LAMA1: variants seen among roughly 807,000 people sequenced by gnomAD.
The protein encoded by LAMA1 is laminin subunit alpha 1.
A neutral mutation model predicts 348.7 loss-of-function variants in LAMA1; 219 were observed. The ratio of observed to expected loss-of-function variants is 0.63; its 90% confidence interval spans 0.56 to 0.70. The LOEUF is 0.70. Among genes scored for constraint, LAMA1 ranks in the 30% least tolerant of loss-of-function variants. The pLI, the probability that LAMA1 is intolerant of heterozygous loss-of-function variation, is 0.00. For missense variants in LAMA1, 3,744 were observed against 3,888.0 expected, an observed-to-expected ratio of 0.96 and a Z score of 0.99; for synonymous variants, 1,487 against 1,491.0, an observed-to-expected ratio of 1.00 and a Z score of 0.06.
chr18:7,108,203 G>T (rs1013259550), intron 1 of LAMA1, among the ~76,000 whole-genome samples: 1 of 151,834 alleles, frequency 6.6e-6, no homozygotes, highest in African/African-American at 2.4e-5. Context: ...AGGCATGGCG[G>T]TGTGTGCCTG....
intron 16 of LAMA1, among the ~76,000 whole-genome samples, chr18:7,029,335 G>A (rs866949288): frequency 1.8e-4 from 28 of 152,244 alleles, no homozygotes; most frequent in Middle Eastern, 6.8e-3. Flanking sequence ...ATAGGACCTT[G>A]GGTTTGATAA....
chr18:6,956,486 C>T (rs970392502), intron 56 of LAMA1, 150 bp downstream of exon 56: 7 of 1,332,158 alleles, frequency 5.3e-6, no homozygotes, highest in Middle Eastern at 1.8e-4. Context: ...CCCTCCCTGT[C>T]CCCGCTCTGA....
chr18:7,037,782 T>C (rs959630476), intron 11 of LAMA1, 31 bp from the exon 12 acceptor site: 2 of 1,609,432 alleles, frequency 1.2e-6, no homozygotes, highest in Admixed American at 3.3e-5. Context: ...TTTTGAAGTA[T>C]GAAATAGAAC....
intron 5 of LAMA1, among the ~76,000 whole-genome samples, chr18:7,046,888 C>T (rs1392003031): frequency 6.6e-6 from 1 of 152,104 alleles, no homozygotes; most frequent in Admixed American, 6.5e-5. Context: ...TTGCTAGTGA[C>T]TAAAAATGTG....
chr18:7,083,481 G>A lies in LAMA1; in HGVS notation c.62-3024C>T, dbSNP rs958902049. Among the ~76,000 whole-genome samples, 26 of 151,762 alleles carry A rather than the reference G, an allele frequency of 1.7e-4. 1 individual carries two copies. The highest frequency in any genetic ancestry group is 1.6e-3 in the Admixed American group (24 of 15,218). ...GATTACAGGCTTGAGCCACCGCGCC[G>A]GGCCCTAAATATACTTTTAATAAAA... On this transcript the variant is annotated intron_variant, in intron 1 of 62. Transcript: ENST00000389658.
chr18:6,957,785 C>CTTTTTTTTT (rs58835769), intron 55 of LAMA1, among the ~76,000 whole-genome samples: 2,874 of 150,682 alleles, frequency 0.019, 99 homozygotes, highest in African/African-American at 0.066. Context: ...GCTTCCAGTT[C>CTTTTTTTTT]TTTTTTTTTC....
At chr18:7,095,607 G>A (rs904319660) in intron 1 of LAMA1, among the ~76,000 whole-genome samples, 1 of 152,184 alleles carries the variant, frequency 6.6e-6, no homozygotes, top group Non-Finnish European at 1.5e-5. Context: ...GGGGCTATGG[G>A]CCCAAGCAGC....
chr18:6,976,127 C>A, intron 44 of LAMA1, 47 bp from the exon 45 acceptor site: 1 of 1,600,216 alleles, frequency 6.2e-7, no homozygotes, highest in South Asian at 1.1e-5. Context: ...TGACACACAC[C>A]GGCAGCTCAC....
At chr18:7,094,449 GATATT>G in intron 1 of LAMA1, among the ~76,000 whole-genome samples, 1 of 131,768 alleles carries the variant, frequency 7.6e-6, no homozygotes, top group South Asian at 2.5e-4. Context: ...AAAAAAAAAA[GATATT>G]AGATGATCTC....
At chr18:7,096,355 A>G (rs1403546821) in intron 1 of LAMA1, among the ~76,000 whole-genome samples, 2 of 152,326 alleles carry the variant, frequency 1.3e-5, no homozygotes, top group Admixed American at 6.5e-5. Flanking sequence ...CACTGGTGAA[A>G]TTCATGGTAG....
chr18:6,956,472 C>G (rs748636510), intron 56 of LAMA1, 164 bp downstream of exon 56: 4 of 1,201,244 alleles, frequency 3.3e-6, no homozygotes, highest in Non-Finnish European at 4.9e-6. Flanking sequence ...TTGAGGCACC[C>G]TTTCCCTCCC....
intron 46 of LAMA1, 144 bp downstream of exon 46, chr18:6,974,759 C>A: frequency 9.0e-7 from 1 of 1,112,706 alleles, no homozygotes; most frequent in South Asian, 1.3e-5. Context: ...CTTATTTCTA[C>A]AGCTAACCTA....
At chr18:6,987,987 G>A (rs2057742678) in intron 36 of LAMA1, among the ~76,000 whole-genome samples, 1 of 152,118 alleles carries the variant, frequency 6.6e-6, no homozygotes, top group African/African-American at 2.4e-5. Context: ...GGTGGTGCGT[G>A]CCTGTAGTCC....
chr18:6,942,059 C>T lies in LAMA1; in HGVS notation c.*20G>A. The T allele has an allele frequency of 6.2e-7, 1 of 1,613,846 alleles. No homozygotes were observed. The highest frequency in any genetic ancestry group is 8.5e-7 in the Non-Finnish European group (1 of 1,179,832). On this transcript the variant is annotated 3_prime_UTR_variant, in exon 63 of 63. Transcript: ENST00000389658. ...CTCAAAATATTAGCAATGATTCCAA[C>T]TGAGGATTCTGCTTGAAGTTCAGGA...
At chr18:7,094,770 A>C (rs2058253858) in intron 1 of LAMA1, among the ~76,000 whole-genome samples, 1 of 152,236 alleles carries the variant, frequency 6.6e-6, no homozygotes, top group South Asian at 2.1e-4. Context: ...AACCAGGGAA[A>C]TCTATTAAGT....
chr18:6,985,118 C>T, intron 39 of LAMA1, 119 bp downstream of exon 39: 1 of 1,198,136 alleles, frequency 8.3e-7, no homozygotes, highest in Non-Finnish European at 1.2e-6. Flanking sequence ...GTAAATAAAA[C>T]AGGAGTGCTC....
At chr18:6,980,205 G>A (rs1299672800) in intron 42 of LAMA1, among the ~76,000 whole-genome samples, 4 of 152,158 alleles carry the variant, frequency 2.6e-5, no homozygotes, top group African/African-American at 9.7e-5. Context: ...TTTACTTGCT[G>A]ACTTCTTTCA....
intron 53 of LAMA1, chr18:6,960,340 T>C (rs1286220512): frequency 6.6e-6 from 1 of 152,142 alleles, no homozygotes; most frequent in Non-Finnish European, 1.5e-5. Context: ...TACTCAGCCA[T>C]AAAAAGGAAT....
At chr18:6,966,018 T>C (rs2057631359) in intron 49 of LAMA1, 129 bp downstream of exon 49, 1 of 963,872 alleles carries the variant, frequency 1.0e-6, no homozygotes, top group Admixed American at 2.2e-5. Flanking sequence ...TACTAGCATA[T>C]GCTCATAAAA....
Sources: allele counts gnomAD v4.1 joint callset (sites outside exome capture counted in the v4.1 genomes callset), GRCh38; gene constraint gnomAD v4.1.1; transcripts MANE v1.5; gene names NCBI Gene and HGNC (gene_info 2026-07-23, HGNC 2026-07-21).